Variants in CORO1C observed in about 807,000 individuals in gnomAD.
CORO1C encodes the protein coronin 1C.
Under a neutral mutation model 51.2 loss-of-function variants are expected in CORO1C, and 14 were observed. The observed-to-expected ratio is 0.27, with a 90% CI of 0.18 to 0.43. The LOEUF is 0.43. Among genes scored for constraint, CORO1C ranks in the 20% least tolerant of loss-of-function variants. CORO1C has a pLI of 1.00. For missense variants in CORO1C, 417 were observed against 607.8 expected (o/e 0.69, Z 3.30); for synonymous variants, 181 against 210.5 (o/e 0.86, Z 1.21).
At chr12:108,654,606 C>A (rs1335121858) in intron 6 of CORO1C, among the ~76,000 whole-genome samples, 196 bp from the exon 7 acceptor site, 1 of 152,062 alleles carries the variant, frequency 6.6e-6, no homozygotes, top group Non-Finnish European at 1.5e-5. Context: ...ATCCAACTCA[C>A]AAAATTTCAC....
intron 2 of CORO1C, among the ~76,000 whole-genome samples, chr12:108,686,544 G>T (rs572359388): frequency 7.0e-4 from 107 of 152,298 alleles, no homozygotes; most frequent in Non-Finnish European, 1.4e-3. Flanking sequence ...GCATGAAATT[G>T]AAGTAGTTTA....
intron 1 of CORO1C, among the ~76,000 whole-genome samples, chr12:108,719,993 T>A (rs2035438191): frequency 6.6e-6 from 1 of 152,156 alleles, no homozygotes; most frequent in Non-Finnish European, 1.5e-5. Context: ...GAAACCAGCC[T>A]GAGCAACACA....
intron 7 of CORO1C, among the ~76,000 whole-genome samples, chr12:108,652,805 T>C (rs1290429827): frequency 1.3e-5 from 2 of 152,262 alleles, no homozygotes; most frequent in Non-Finnish European, 2.9e-5. Context: ...AATGCAATTA[T>C]TGATTTAAGT....
chr12:108,706,382 T>TCCAC (rs556860222), intron 1 of CORO1C, among the ~76,000 whole-genome samples: 156 of 152,226 alleles, frequency 1.0e-3, no homozygotes, highest in Non-Finnish European at 2.0e-3. Flanking sequence ...GATGAGCTTG[T>TCCAC]CCACCCTTGC....
chr12:108,686,308 T>A (rs1289178307), intron 2 of CORO1C, among the ~76,000 whole-genome samples: 1 of 152,242 alleles, frequency 6.6e-6, no homozygotes, highest in Admixed American at 6.5e-5. Flanking sequence ...CCTGAACCTC[T>A]AAGCAGCAAA....
intron 1 of CORO1C, among the ~76,000 whole-genome samples, chr12:108,704,328 C>T (rs1407101652): frequency 6.6e-6 from 1 of 151,866 alleles, no homozygotes; most frequent in East Asian, 1.9e-4. Context: ...AAAAATTAGC[C>T]GGGTGTGGCG....
intron 1 of CORO1C, among the ~76,000 whole-genome samples, chr12:108,729,244 G>A (rs936283072): frequency 6.6e-6 from 1 of 151,948 alleles, no homozygotes; most frequent in African/African-American, 2.4e-5. Flanking sequence ...AAAATCCAAC[G>A]GTGTTTAAAA....
At chr12:108,687,894 C>G (rs1370146352) in intron 2 of CORO1C, among the ~76,000 whole-genome samples, 1 of 151,634 alleles carries the variant, frequency 6.6e-6, no homozygotes, top group Non-Finnish European at 1.5e-5. Context: ...ACAACAGCTT[C>G]CACTTATTAA....
At chr12:108,724,725 T>G (rs147739062) in intron 1 of CORO1C, among the ~76,000 whole-genome samples, 1 of 152,340 alleles carries the variant, frequency 6.6e-6, no homozygotes, top group East Asian at 1.9e-4. Context: ...ATGTAGATCA[T>G]TGCCTGACCA....
chr12:108,692,794 C>CTTTTTTTT (rs11447073), intron 2 of CORO1C, among the ~76,000 whole-genome samples: 1 of 111,662 alleles, frequency 9.0e-6, no homozygotes, highest in South Asian at 3.0e-4. Context: ...TAGACCACAG[C>CTTTTTTTT]TTTTTTTTTT....
intron 4 of CORO1C, among the ~76,000 whole-genome samples, chr12:108,661,279 G>A (rs2033249140): frequency 6.6e-6 from 1 of 152,118 alleles, no homozygotes. Flanking sequence ...CCAGAAATAG[G>A]GGACTTATCA....
intron 3 of CORO1C, among the ~76,000 whole-genome samples, chr12:108,663,330 A>G (rs1004472324): frequency 4.6e-5 from 7 of 152,364 alleles, no homozygotes; most frequent in Non-Finnish European, 1.0e-4. Flanking sequence ...ACTCCTAGGG[A>G]TATACCCAAG....
At chr12:108,687,775 T>C (rs2034349756) in intron 2 of CORO1C, among the ~76,000 whole-genome samples, 1 of 151,908 alleles carries the variant, frequency 6.6e-6, no homozygotes, top group African/African-American at 2.4e-5. Flanking sequence ...ACAGCGAGAC[T>C]CTGTCTCAAT....
chr12:108,719,859 T>C (rs1378908854), intron 1 of CORO1C, among the ~76,000 whole-genome samples: 1 of 152,194 alleles, frequency 6.6e-6, no homozygotes, highest in Non-Finnish European at 1.5e-5. Context: ...CATGCTTCCA[T>C]TGGGATGTTA....
At chr12:108,683,067 T>C (rs568827664) in intron 2 of CORO1C, among the ~76,000 whole-genome samples, 5 of 152,270 alleles carry the variant, frequency 3.3e-5, no homozygotes, top group South Asian at 2.1e-4. Flanking sequence ...AATTAATGCA[T>C]TGAGTTGCTA....
rs2033148166 is a variant in CORO1C, at chr12:108,659,062, GAT to G, written c.449-145_449-144del. Reference sequence around the variant, plus strand: ...AGAGAGAGAGAGAAAAGATGCGGCTGATTGTCAGAGGCCCTACCAGAGGCCCT... The same window carrying G: ...AGAGAGAGAGAGAAAAGATGCGGCTGTGTCAGAGGCCCTACCAGAGGCCCT... On this transcript the variant is annotated intron_variant, in intron 4 of 10. Coordinates refer to ENST00000261401, the MANE Select transcript of CORO1C (RefSeq NM_014325.4). 5 of 835,268 alleles carry G rather than the reference GAT, an allele frequency of 6.0e-6. No homozygotes were observed. In the East Asian group the frequency reaches 1.4e-4, roughly 23 times the overall value. The allele number at this position is 835,268 out of a possible 1,614,324, so 51.7% of individuals were successfully genotyped here. A position where few individuals can be genotyped will look rare whatever the true frequency, so the allele number is the denominator to read the frequency against.
At chr12:108,703,564 G>A (rs954883946) in intron 1 of CORO1C, among the ~76,000 whole-genome samples, 7 of 152,154 alleles carry the variant, frequency 4.6e-5, no homozygotes, top group African/African-American at 1.2e-4. Context: ...CAGGAGGAGC[G>A]CACAAAAAGG....
chr12:108,726,724 T>TTGTA (rs2035602735), intron 1 of CORO1C, among the ~76,000 whole-genome samples: 1 of 150,834 alleles, frequency 6.6e-6, no homozygotes, highest in Non-Finnish European at 1.5e-5. Flanking sequence ...TTCTCATGAG[T>TTGTA]GTGACAGGGG....
chr12:108,712,948 A>C (rs1301929178), intron 1 of CORO1C, among the ~76,000 whole-genome samples: 1 of 151,434 alleles, frequency 6.6e-6, no homozygotes, highest in African/African-American at 2.4e-5. Flanking sequence ...TCATTTCCGA[A>C]TATGAGATAG....
Sources: allele counts gnomAD v4.1 joint callset (sites outside exome capture counted in the v4.1 genomes callset), GRCh38; gene constraint gnomAD v4.1.1; transcripts MANE v1.5; gene names NCBI Gene and HGNC (gene_info 2026-07-23, HGNC 2026-07-21).